The following L3MBTL1 variants were observed in gnomAD, a reference collection of about 807,000 sequenced individuals.
The protein encoded by L3MBTL1 is L3MBTL histone methyl-lysine binding protein 1.
In L3MBTL1, 75 loss-of-function variants were observed where a neutral mutation model predicts 105.3. The ratio of observed to expected loss-of-function variants is 0.71; its 90% CI spans 0.59 to 0.86. The LOEUF is 0.86. Ranked by LOEUF, L3MBTL1 falls within the 40% of genes least tolerant of loss-of-function variation. The pLI, the probability that L3MBTL1 is intolerant of heterozygous loss-of-function variation, is 0.00. For synonymous variants in L3MBTL1, 452 were observed against 436.2 expected, an observed-to-expected ratio of 1.04 and a Z score of -0.45; for missense variants, 1,069 against 1,126.4, an observed-to-expected ratio of 0.95 and a Z score of 0.73.
chr20:43,524,442 A>G (rs1304015821), intron 7 of L3MBTL1, among the ~76,000 whole-genome samples: 1 of 152,184 alleles, frequency 6.6e-6, no homozygotes, highest in Non-Finnish European at 1.5e-5. Context: ...GCACTTAATG[A>G]GCTCATAATC....
rs2018375910 is a variant in L3MBTL1 at position 43,516,116 on chromosome 20, C to T, written c.801C>T (p.Asp267=). Residue 267 remains aspartate (D), a synonymous_variant, in exon 7 of 22, where the codon GAC becomes GAT. Transcript: ENST00000418998. ...AGGAGAAGCAAGAAGAAGGAAAGGACCCAGAGGGACAACCCACTGCTAGCA... is the reference window on the plus strand; with the variant it reads ...AGGAGAAGCAAGAAGAAGGAAAGGATCCAGAGGGACAACCCACTGCTAGCA... ...EAMEKQEEGK[D]PEGQPTASTP... 1 of 1,613,770 alleles carries T rather than the reference C, an allele frequency of 6.2e-7. No homozygotes were observed. Among genetic ancestry groups the T allele is most frequent in the Admixed American group, 1.7e-5 (1 of 59,982 alleles).
chr20:43,515,228 GT>G, intron 5 of L3MBTL1, 63 bp from the exon 6 acceptor site: 1 of 1,613,474 alleles, frequency 6.2e-7, no homozygotes, highest in Non-Finnish European at 8.5e-7. Context: ...CTGTTCAGGG[GT>G]TAGGAGAGGG....
At chr20:43,515,495 A>T in intron 6 of L3MBTL1, 80 bp downstream of exon 6, 2 of 1,491,444 alleles carry the variant, frequency 1.3e-6, no homozygotes, top group Non-Finnish European at 1.8e-6. Context: ...ATCAATCCAG[A>T]TTATGGAGCT....
chr20:43,537,771 G>A (rs1031682729), intron 19 of L3MBTL1, among the ~76,000 whole-genome samples: 1 of 152,180 alleles, frequency 6.6e-6, no homozygotes, highest in Non-Finnish European at 1.5e-5. Context: ...ACCTGGTTTA[G>A]TGCACCTTGG....
At chr20:43,517,099 CTT>C (rs1156363145) in intron 7 of L3MBTL1, among the ~76,000 whole-genome samples, 2 of 143,372 alleles carry the variant, frequency 1.4e-5, no homozygotes. Flanking sequence ...GCCTGGTCGT[CTT>C]TTTTTTTTTT....
At chr20:43,542,611 C>CAAAAAAAAAAAAAAAAAAAAAAAAAAA (rs5841503), downstream of L3MBTL1, among the ~76,000 whole-genome samples, 2 of 112,668 alleles carry the variant, frequency 1.8e-5, no homozygotes, top group Non-Finnish European at 3.7e-5. Context: ...AAAAATTTAA[C>CAAAAAAAAAAAAAAAAAAAAAAAAAAA]AAAAAAAAAA....
In L3MBTL1 at chr20:43,515,000, C is replaced by T. The variant is rs1309777586; in HGVS notation, c.503-9C>T. 1.9e-6 allele frequency: 3 copies of T among 1,611,826 alleles called. No individual in the cohort carries two copies. Among genetic ancestry groups the T allele is most frequent in the East Asian group, 4.5e-5 (2 of 44,836 alleles). On this transcript the variant is annotated splice_polypyrimidine_tract_variant and intron_variant, in intron 4 of 21. Transcript: ENST00000418998. ...GGAGGGAGGCCTGAGGCCCATTTGG[C>T]CCCCGCAGAGGACCACCCCCAGAAT...
At chr20:43,518,255 A>G (rs1448777627) in intron 7 of L3MBTL1, among the ~76,000 whole-genome samples, 1 of 151,696 alleles carries the variant, frequency 6.6e-6, no homozygotes, top group Non-Finnish European at 1.5e-5. Flanking sequence ...TTCTGACAGA[A>G]GAATCTGGGG....
At chr20:43,545,620 G>A (rs1432709494), downstream of L3MBTL1, among the ~76,000 whole-genome samples, 2 of 152,216 alleles carry the variant, frequency 1.3e-5, no homozygotes, top group Non-Finnish European at 1.5e-5. Context: ...GAGAAAGGGG[G>A]AAATGGGCTT....
chr20:43,531,133 T>G, intron 11 of L3MBTL1: 3 of 518,278 alleles, frequency 5.8e-6, no homozygotes, highest in Non-Finnish European at 1.0e-5. Context: ...TGTCCTCACA[T>G]CCCCTTGGAG....
intron 7 of L3MBTL1, among the ~76,000 whole-genome samples, chr20:43,526,167 C>G (rs983830753): frequency 2.0e-5 from 3 of 152,032 alleles, no homozygotes; most frequent in African/African-American, 7.3e-5. Flanking sequence ...GCAGCAGAGG[C>G]GCCTGAGACA....
intron 11 of L3MBTL1, chr20:43,531,860 TG>T (rs1424182864): frequency 6.6e-6 from 1 of 152,190 alleles, no homozygotes; most frequent in Non-Finnish European, 1.5e-5. Flanking sequence ...AGACCCCATC[TG>T]TACAAAAAAT....
chr20:43,542,611 C>CAAAAAAAAAAAAATAAA (rs2019958407), downstream of L3MBTL1, among the ~76,000 whole-genome samples: 1 of 112,668 alleles, frequency 8.9e-6, no homozygotes, highest in African/African-American at 3.3e-5. Flanking sequence ...AAAAATTTAA[C>CAAAAAAAAAAAAATAAA]AAAAAAAAAA....
chr20:43,525,579 T>G (rs1227368188), intron 7 of L3MBTL1, among the ~76,000 whole-genome samples: 1 of 152,122 alleles, frequency 6.6e-6, no homozygotes, highest in South Asian at 2.1e-4. Context: ...CCTTGGGACT[T>G]ACTTGGGTTT....
In L3MBTL1 at chr20:43,514,759, C is replaced by T; in HGVS notation, c.485C>T (p.Ala162Val). The change falls in exon 4 of 22, where the codon GCG (alanine) becomes GTG (valine). Residue 162 changes from alanine (A) to valine (V), a missense_variant. Ala to Val is a moderately conservative substitution (Grantham distance 64). Transcript: ENST00000418998. Reference protein sequence around the residue: ...DGGAPAGDGEAGPQQAEDHPQ... With the variant: ...DGGAPAGDGEVGPQQAEDHPQ... ...GGGGCCCCGGCGGGAGATGGCGAGGCGGGCCCCCAACAGGCGGGTAGGAGC... is the reference window on the plus strand; with the variant it reads ...GGGGCCCCGGCGGGAGATGGCGAGGTGGGCCCCCAACAGGCGGGTAGGAGC... 6.4e-7 allele frequency: 1 copy of T among 1,555,206 alleles called. No homozygotes were observed. Among genetic ancestry groups the T allele is most frequent in the Non-Finnish European group, 8.7e-7 (1 of 1,148,964 alleles).
Position 43,530,274 on chromosome 20 carries a change from A to C in L3MBTL1, c.1057-10A>C, listed in dbSNP as rs200079388. 6.2e-7 allele frequency: 1 copy of C among 1,613,286 alleles called. No homozygotes were observed. ...GACATTGGAGTTCCTGATTCCCCTC[A>C]TGGGGCCAGGTATGTGGCTATCGCC... On this transcript the variant is annotated splice_polypyrimidine_tract_variant and intron_variant, in intron 9 of 21. Coordinates refer to ENST00000418998, the MANE Select transcript of L3MBTL1 (RefSeq NM_001377303.1).
chr20:43,517,121 C>T (rs1458722371), intron 7 of L3MBTL1, among the ~76,000 whole-genome samples: 3 of 148,662 alleles, frequency 2.0e-5, no homozygotes, highest in Non-Finnish European at 3.0e-5. Context: ...TTCTTTGAGA[C>T]GGAGTTTCAC....
At chr20:43,510,218 C>G (rs1358215518) in intron 1 of L3MBTL1, among the ~76,000 whole-genome samples, 2 of 151,686 alleles carry the variant, frequency 1.3e-5, no homozygotes, top group Non-Finnish European at 2.9e-5. Context: ...AGGCTGGTCT[C>G]CAACTCCTGA....
Position 43,531,153 on chromosome 20 carries a change from C to T in L3MBTL1, c.1284+264C>T, listed in dbSNP as rs554847811. 8.1e-6 allele frequency: 4 copies of T among 494,736 alleles called. No homozygotes were observed. The South Asian group carries it at 1.1e-4, about 13-fold the overall frequency. 30.6% of individuals were successfully genotyped at this position (494,736 alleles called of 1,614,324 possible). The stretch of plus-strand genomic sequence containing the variant: ...TCACATCCCCTTGGAGCCCCTGGCC[C>T]ACTACCCTAGTCTGAGCACTGAGAT... On this transcript the variant is annotated intron_variant, in intron 11 of 21. Transcript: ENST00000418998.
Sources: gnomAD v4.1 joint callset for allele counts (sites outside exome capture counted in the v4.1 genomes callset) on GRCh38, gnomAD v4.1.1 for gene constraint, MANE v1.5 for transcripts, NCBI Gene and HGNC (gene_info 2026-07-23, HGNC 2026-07-21) for gene names.